Variants in ABCC1 observed in about 807,000 individuals in gnomAD.
ABCC1 encodes ATP binding cassette subfamily C member 1 (ABCC1 blood group).
A neutral mutation model predicts 172.9 loss-of-function variants in ABCC1; 83 were observed. The observed-to-expected ratio is 0.48, with a 90% CI of 0.40 to 0.58. ABCC1 has a LOEUF of 0.58. Ranked by LOEUF, ABCC1 falls within the 20% of genes least tolerant of loss-of-function variation. ABCC1 has a pLI of 0.00. For missense variants in ABCC1, 1,817 were observed against 2,002.7 expected (o/e 0.91, Z 1.77); for synonymous variants, 937 against 825.2 (o/e 1.14, Z -2.32).
chr16:15,956,268 G>C (rs774486568), intron 1 of ABCC1, among the ~76,000 whole-genome samples: 1 of 152,052 alleles, frequency 6.6e-6, no homozygotes, highest in African/African-American at 2.4e-5. Flanking sequence ...GAGAAGCTGA[G>C]GCATGAGCAT....
chr16:16,123,051 A>G (rs969000600), intron 24 of ABCC1, among the ~76,000 whole-genome samples: 2 of 152,030 alleles, frequency 1.3e-5, no homozygotes, highest in African/African-American at 4.8e-5. Context: ...AAGTGACAGC[A>G]CCCCAGAGGT....
intron 14 of ABCC1, among the ~76,000 whole-genome samples, chr16:16,072,450 G>T (rs1448570787): frequency 1.3e-5 from 2 of 150,454 alleles, no homozygotes; most frequent in African/African-American, 4.9e-5. Flanking sequence ...CTCCCAAAGT[G>T]CTGGGCTTAT....
chr16:16,031,791 ATTGGTAATATTT>A (rs1204348558), intron 5 of ABCC1, among the ~76,000 whole-genome samples: 1 of 151,668 alleles, frequency 6.6e-6, no homozygotes, highest in Non-Finnish European at 1.5e-5. Context: ...ACTTTGTCTC[ATTGGTAATATTT>A]CTCTCCCTTC....
chr16:16,126,281 G>GATGATCTCCCTTCAACAGAC (rs1245408324), intron 26 of ABCC1, among the ~76,000 whole-genome samples: 1 of 152,202 alleles, frequency 6.6e-6, no homozygotes, highest in Non-Finnish European at 1.5e-5. Flanking sequence ...TAGCAATTGA[G>GATGATCTCCCTTCAACAGAC]ATGATCTCCC....
intron 17 of ABCC1, among the ~76,000 whole-genome samples, chr16:16,084,654 C>T (rs1022934020): frequency 7.5e-5 from 11 of 145,746 alleles, no homozygotes; most frequent in Non-Finnish European, 1.3e-4. Context: ...GAAATGGAGT[C>T]TCTCTCTGTC....
Position 15,977,830 on chromosome 16 carries a change from C to G in ABCC1, c.48+28031C>G, listed in dbSNP as rs45623133. ...TAACAACTTCCAGGAATAGAGTGAT[C>G]ACTGGGCATCCATCTGTTGTCACAT... is the stretch of plus-strand genomic sequence containing the variant. On this transcript the variant is annotated intron_variant, in intron 1 of 30. Coordinates refer to ENST00000399410, the MANE Select transcript of ABCC1 (RefSeq NM_004996.4). Among the ~76,000 whole-genome samples the G allele has an allele frequency of 2.4e-3, 369 of 152,270 alleles. 1 individual carries two copies. The highest frequency in any genetic ancestry group is 3.8e-3 in the Non-Finnish European group (259 of 68,036).
chr16:15,954,606 A>G (rs1038173466), intron 1 of ABCC1, among the ~76,000 whole-genome samples: 12 of 152,090 alleles, frequency 7.9e-5, no homozygotes, highest in African/African-American at 2.2e-4. Context: ...ATTCAGGCCA[A>G]TCAGGAGCGG....
At chr16:16,054,051 T>G (rs2049544559) in intron 11 of ABCC1, among the ~76,000 whole-genome samples, 1 of 151,578 alleles carries the variant, frequency 6.6e-6, no homozygotes, top group South Asian at 2.1e-4. Context: ...CTTGGCTCAC[T>G]GCAACCTCTG....
rs530518334 is a variant in ABCC1 at position 16,062,264 on chromosome 16, T to G, written c.1678-5892T>G. 2.2e-3 allele frequency among the ~76,000 whole-genome samples: 329 copies of G among 152,356 alleles called. 2 individuals are homozygous for G. Among genetic ancestry groups the G allele is most frequent in the African/African-American group, 7.8e-3 (324 of 41,576 alleles). On this transcript the variant is annotated intron_variant, in intron 12 of 30. Coordinates refer to ENST00000399410, the MANE Select transcript of ABCC1 (RefSeq NM_004996.4). ...CCAGGCTGTCACCAAACTTTGCTTA[T>G]CACTTCCTGCCCTGTTCCCCATTAG... is the stretch of plus-strand genomic sequence containing the variant.
rs558984830 is a variant in ABCC1 at position 16,031,629 on chromosome 16, C to T, written c.616-1480C>T. On this transcript the variant is annotated intron_variant, in intron 5 of 30. Transcript: ENST00000399410. ...AGTCTACCATGCTTTCTTCTACCAC[C>T]GGGCCTTTGCACACACTGCTGTCTG... Among the ~76,000 whole-genome samples the T allele has an allele frequency of 1.5e-4, 23 of 152,238 alleles. No individual in the cohort carries two copies. In the East Asian group the frequency reaches 3.7e-3, roughly 24 times the overall value.
At chr16:16,058,646 A>G (rs1402419284) in intron 12 of ABCC1, among the ~76,000 whole-genome samples, 1 of 151,984 alleles carries the variant, frequency 6.6e-6, no homozygotes, top group East Asian at 1.9e-4. Context: ...TTGTTATTAT[A>G]TTTTATTATT....
intron 15 of ABCC1, 68 bp from the exon 16 acceptor site, chr16:16,079,284 T>C (rs2050710193): frequency 3.8e-6 from 6 of 1,586,268 alleles, no homozygotes; most frequent in Non-Finnish European, 5.2e-6. Context: ...TGAGGCTCGG[T>C]GGCCATGGGC....
chr16:15,986,854 ACAAT>A (rs2046756100), intron 1 of ABCC1, among the ~76,000 whole-genome samples: 1 of 152,182 alleles, frequency 6.6e-6, no homozygotes, highest in African/African-American at 2.4e-5. Flanking sequence ...GTTGAATGAC[ACAAT>A]CAATCATTTG....
Position 16,023,155 on chromosome 16 carries a change from C to T in ABCC1, c.615+6534C>T, listed in dbSNP as rs45447201. The stretch of plus-strand genomic sequence containing the variant: ...TCTTGAACTCCTGGCCTCAAGCCAT[C>T]CTCCCACCTCAGCCTCCCAAAATAC... On this transcript the variant is annotated intron_variant, in intron 5 of 30. Transcript: ENST00000399410. Among the ~76,000 whole-genome samples, 938 of 152,268 alleles carry T rather than the reference C, an allele frequency of 6.2e-3. 3 individuals are homozygous for T. Among genetic ancestry groups the T allele is most frequent in the Middle Eastern group, 0.02 (6 of 294 alleles).
At chr16:16,039,384 C>T (rs939615421) in intron 7 of ABCC1, among the ~76,000 whole-genome samples, 10 of 151,104 alleles carry the variant, frequency 6.6e-5, no homozygotes, top group South Asian at 2.1e-4. Context: ...TCTTCTGCCC[C>T]GGTCTCCCAA....
intron 28 of ABCC1, 139 bp downstream of exon 28, chr16:16,134,647 T>C: frequency 9.6e-7 from 1 of 1,037,918 alleles, no homozygotes; most frequent in Non-Finnish European, 1.3e-6. Flanking sequence ...TTTTTTTTTT[T>C]TTTTCCTGAA....
At chr16:16,082,086 C>T (rs931499216) in intron 16 of ABCC1, among the ~76,000 whole-genome samples, 2 of 152,200 alleles carry the variant, frequency 1.3e-5, no homozygotes, top group African/African-American at 4.8e-5. Flanking sequence ...TATAGGCCCC[C>T]TTGCTGTCCC....
At chr16:16,120,858 T>A (rs1489909138) in intron 23 of ABCC1, among the ~76,000 whole-genome samples, 1 of 152,016 alleles carries the variant, frequency 6.6e-6, no homozygotes, top group African/African-American at 2.4e-5. Flanking sequence ...CTGGGCTGAG[T>A]GTGCTGGAAC....
chr16:16,079,983 A>C (rs935936268), intron 16 of ABCC1, among the ~76,000 whole-genome samples: 1 of 151,560 alleles, frequency 6.6e-6, no homozygotes, highest in Non-Finnish European at 1.5e-5. Context: ...GCTAATTTTT[A>C]TATTTTTTTA....
Sources: gnomAD v4.1 joint callset for allele counts (sites outside exome capture counted in the v4.1 genomes callset) on GRCh38, gnomAD v4.1.1 for gene constraint, MANE v1.5 for transcripts, NCBI Gene and HGNC (gene_info 2026-07-23, HGNC 2026-07-21) for gene names.